PLEKHG1: variants seen among roughly 807,000 people sequenced by gnomAD.
The protein encoded by PLEKHG1 is pleckstrin homology and RhoGEF domain containing G1, also known as pleckstrin homology domain-containing family G member 1.
A neutral mutation model predicts 100.8 loss-of-function variants in PLEKHG1; 44 were observed. The ratio of observed to expected loss-of-function variants is 0.44; its 90% CI spans 0.34 to 0.56. The LOEUF (loss-of-function observed/expected upper bound fraction) is 0.56. Among genes scored for constraint, PLEKHG1 ranks in the 20% least tolerant of loss-of-function variants. PLEKHG1 has a pLI of 0.01. For missense variants in PLEKHG1, 1,545 were observed against 1,720.9 expected, an observed-to-expected ratio of 0.90 and a Z score of 1.81; for synonymous variants, 640 against 662.5, an observed-to-expected ratio of 0.97 and a Z score of 0.52.
intron 15 of PLEKHG1, among the ~76,000 whole-genome samples, 182 bp downstream of exon 16, chr6:150,832,387 A>G (rs1776997707): frequency 6.6e-6 from 1 of 152,204 alleles, no homozygotes; most frequent in Admixed American, 6.5e-5. Flanking sequence ...TGAATTATCC[A>G]CATTGTAGCA....
intron 1 of PLEKHG1, among the ~76,000 whole-genome samples, chr6:150,614,122 T>C (rs1446698420): frequency 6.6e-6 from 1 of 152,240 alleles, no homozygotes; most frequent in African/African-American, 2.4e-5. Context: ...GATTGTGATC[T>C]TGAGCTCATA....
intron 3 of PLEKHG1, among the ~76,000 whole-genome samples, chr6:150,694,544 A>G (rs967584251): frequency 6.6e-6 from 1 of 152,062 alleles, no homozygotes; most frequent in Non-Finnish European, 1.5e-5. Flanking sequence ...TACTAAAAAT[A>G]CAAAAATTAG....
At chr6:150,725,712 A>C (rs1781928329) in intron 1 of PLEKHG1, among the ~76,000 whole-genome samples, 1 of 151,378 alleles carries the variant, frequency 6.6e-6, no homozygotes, top group African/African-American at 2.4e-5. Context: ...TCACATCCAA[A>C]AAATCATTGC....
At chr6:150,603,080 A>AAAAAC in intron 1 of PLEKHG1, among the ~76,000 whole-genome samples, 1 of 46,508 alleles carries the variant, frequency 2.2e-5, no homozygotes, top group Admixed American at 2.4e-4. Context: ...ACTCCGTCTC[A>AAAAAC]AAAAAAAAAA....
At chr6:150,739,904 G>A (rs1782762867) in intron 2 of PLEKHG1, among the ~76,000 whole-genome samples, 1 of 152,188 alleles carries the variant, frequency 6.6e-6, no homozygotes, top group African/African-American at 2.4e-5. Context: ...AAAGAGAGAA[G>A]GGTGTTTTTC....
In PLEKHG1 at chr6:150,733,702, C is replaced by T. The variant is rs981572033; in HGVS notation, c.21C>T (p.Asp7=). ...AGACAATGGAGCTCTCTGATAGTGACCGACCCGTCAGCTTCGGTTCCACAT... is the reference window on the plus strand; with the variant it reads ...AGACAATGGAGCTCTCTGATAGTGATCGACCCGTCAGCTTCGGTTCCACAT... The change falls in exon 2 of 16, where the codon GAC becomes GAT. Residue 7 remains aspartate (D), a synonymous_variant. Transcript: ENST00000358517. 3.7e-6 allele frequency: 6 copies of T among 1,614,102 alleles called. No homozygotes were observed. The Admixed American group carries it at 5.0e-5, about 13-fold the overall frequency.
chr6:150,811,761 C>G (rs1292226708), intron 10 of PLEKHG1, among the ~76,000 whole-genome samples: 1 of 152,136 alleles, frequency 6.6e-6, no homozygotes, highest in Non-Finnish European at 1.5e-5. Context: ...GGCAGGAGCC[C>G]CTGGAGGGCT....
intron 3 of PLEKHG1, among the ~76,000 whole-genome samples, chr6:150,708,738 ACAGTTAGCT>A (rs1461260599): frequency 6.6e-6 from 1 of 152,204 alleles, no homozygotes; most frequent in East Asian, 1.9e-4. Context: ...TTGCAGGTGT[ACAGTTAGCT>A]CAGCTGCTGT....
intron 1 of PLEKHG1, among the ~76,000 whole-genome samples, chr6:150,615,890 C>T (rs920308502): frequency 1.8e-4 from 27 of 152,188 alleles, no homozygotes; most frequent in African/African-American, 6.0e-4. Flanking sequence ...CAGGTGATGA[C>T]TGAGCACTCA....
chr6:150,787,989 G>A (rs1252085942), intron 4 of PLEKHG1, among the ~76,000 whole-genome samples: 1 of 152,242 alleles, frequency 6.6e-6, no homozygotes, highest in African/African-American at 2.4e-5. Context: ...AAGGAGATAT[G>A]TTAGAATAAC....
At chr6:150,818,136 AG>A in intron 10 of PLEKHG1, 46 bp from the exon 12 acceptor site, 1 of 1,487,850 alleles carries the variant, frequency 6.7e-7, no homozygotes, top group Admixed American at 1.7e-5. Flanking sequence ...TGGAGTTTAA[AG>A]AAAAAAAAAG....
At chr6:150,725,822 A>C (rs1781936061) in intron 1 of PLEKHG1, among the ~76,000 whole-genome samples, 1 of 148,190 alleles carries the variant, frequency 6.7e-6, no homozygotes, top group Admixed American at 6.7e-5. Flanking sequence ...GTCTTAATGT[A>C]TTTTGAGTTT....
intron 14 of PLEKHG1, among the ~76,000 whole-genome samples, chr6:150,824,179 G>A (rs1241280982): frequency 6.6e-6 from 1 of 152,216 alleles, no homozygotes; most frequent in Non-Finnish European, 1.5e-5. Flanking sequence ...ATCAAGTTTT[G>A]ATTTTTCTTC....
chr6:150,621,431 G>C (rs545364253), intron 1 of PLEKHG1, among the ~76,000 whole-genome samples: 42 of 149,828 alleles, frequency 2.8e-4, no homozygotes, highest in Middle Eastern at 3.5e-3. Flanking sequence ...CTGGAATACA[G>C]TGGCACAATC....
chr6:150,764,640 C>G (rs893507484), intron 2 of PLEKHG1, among the ~76,000 whole-genome samples: 1 of 152,144 alleles, frequency 6.6e-6, no homozygotes, highest in African/African-American at 2.4e-5. Flanking sequence ...GAAATCTAGC[C>G]CTTTTCAACT....
chr6:150,827,827 A>G, intron 14 of PLEKHG1: 2 of 1,420,382 alleles, frequency 1.4e-6, no homozygotes, highest in Non-Finnish European at 2.0e-6. Context: ...ACTTTGGAAG[A>G]GCTGGAGGAT....
chr6:150,701,443 AT>A (rs1780776945), intron 3 of PLEKHG1, among the ~76,000 whole-genome samples: 1 of 75,178 alleles, frequency 1.3e-5, no homozygotes, highest in African/African-American at 1.4e-4. Flanking sequence ...ATATATATAT[AT>A]ATATATATAT....
At chr6:150,746,883 A>T (rs35149507) in intron 2 of PLEKHG1, among the ~76,000 whole-genome samples, 27,584 of 152,270 alleles carry the variant, frequency 0.18, 2,640 homozygotes, top group Admixed American at 0.24. Context: ...TAACTAGGTG[A>T]GTTCAGTTCA....
At chr6:150,828,586 T>TA (rs1447327456) in intron 14 of PLEKHG1, among the ~76,000 whole-genome samples, 2 of 150,982 alleles carry the variant, frequency 1.3e-5, no homozygotes, top group Non-Finnish European at 2.9e-5. Context: ...GTATTTCCTC[T>TA]AAAAAAAATT....
Sources: gnomAD v4.1 joint callset for allele counts (sites outside exome capture counted in the v4.1 genomes callset) on GRCh38, gnomAD v4.1.1 for gene constraint, MANE v1.5 for transcripts, NCBI Gene and HGNC (gene_info 2026-07-23, HGNC 2026-07-21) for gene names.